RBFOX3: variants seen among roughly 807,000 people sequenced by gnomAD.
RBFOX3 encodes RNA binding fox-1 homolog 3.
RBFOX3 carries 17 observed loss-of-function variants against 48.7 expected under a neutral mutation model. The ratio of observed to expected loss-of-function variants is 0.35; its 90% CI spans 0.24 to 0.52. The LOEUF is 0.52. Among genes scored for constraint, RBFOX3 ranks in the 20% least tolerant of loss-of-function variants. RBFOX3 has a pLI of 0.94. For missense variants in RBFOX3, 382 were observed against 497.5 expected (o/e 0.77, Z 2.21); for synonymous variants, 212 against 209.5 (o/e 1.01, Z -0.10).
intron 2 of RBFOX3, among the ~76,000 whole-genome samples, chr17:79,326,071 G>T (rs2079266762): frequency 6.6e-6 from 1 of 152,214 alleles, no homozygotes; most frequent in African/African-American, 2.4e-5. Context: ...GAAAGGCGCA[G>T]GTTAAGAACT....
chr17:79,620,035 A>G, the RBFOX3 span, among the ~76,000 whole-genome samples: 1 of 151,254 alleles, frequency 6.6e-6, no homozygotes, highest in Non-Finnish European at 1.5e-5. Context: ...GCACACATGC[A>G]TATGCACACA....
At chr17:79,230,183 C>T (rs961887660) in intron 4 of RBFOX3, among the ~76,000 whole-genome samples, 34 of 152,316 alleles carry the variant, frequency 2.2e-4, no homozygotes, top group Admixed American at 1.0e-3. Context: ...CCCTTCTCCC[C>T]AGTTTTCTCA....
chr17:79,589,369 C>A (rs2093352871), intron 1 of RBFOX3, among the ~76,000 whole-genome samples: 1 of 152,150 alleles, frequency 6.6e-6, no homozygotes, highest in Non-Finnish European at 1.5e-5. Context: ...CAAGTGCTGT[C>A]TTCTCCCTGT....
chr17:79,419,509 G>A (rs868967990), intron 2 of RBFOX3, among the ~76,000 whole-genome samples: 3 of 152,184 alleles, frequency 2.0e-5, no homozygotes, highest in Non-Finnish European at 2.9e-5. Context: ...GTACACACAC[G>A]TGTGCACAAA....
chr17:79,332,748 CAGAG>C (rs1329931799), intron 2 of RBFOX3, among the ~76,000 whole-genome samples: 1 of 119,960 alleles, frequency 8.3e-6, no homozygotes, highest in Non-Finnish European at 1.8e-5. Flanking sequence ...AGCAGAGACA[CAGAG>C]AGAGACAGAG....
intron 2 of RBFOX3, among the ~76,000 whole-genome samples, chr17:79,419,676 C>T (rs782456731): frequency 6.6e-6 from 1 of 152,220 alleles, no homozygotes; most frequent in African/African-American, 2.4e-5. Context: ...CAGTCCCCCT[C>T]ACAATGTGGT....
At chr17:79,642,063 T>A in the RBFOX3 span, among the ~76,000 whole-genome samples, 1 of 152,098 alleles carries the variant, frequency 6.6e-6, no homozygotes, top group Admixed American at 6.6e-5. Flanking sequence ...TATGGCAAAG[T>A]AAGAATGGAC....
chr17:79,105,118 G>A (rs575796260), intron 6 of RBFOX3, among the ~76,000 whole-genome samples: 17 of 152,224 alleles, frequency 1.1e-4, no homozygotes, highest in Non-Finnish European at 2.2e-4. Flanking sequence ...GGCAACTGAT[G>A]GGGGTTTCCC....
intron 1 of RBFOX3, among the ~76,000 whole-genome samples, chr17:79,610,007 G>T (rs1429893003): frequency 2.0e-5 from 3 of 152,006 alleles, no homozygotes; most frequent in African/African-American, 7.2e-5. Context: ...CCTGGGGGTG[G>T]CCGAGGCTTC....
At chr17:79,133,452 A>C (rs1351487124) in intron 4 of RBFOX3, among the ~76,000 whole-genome samples, 2 of 152,000 alleles carry the variant, frequency 1.3e-5, no homozygotes, top group African/African-American at 2.4e-5. Flanking sequence ...ATGGTGAAAA[A>C]CACCACCCCA....
chr17:79,206,894 G>C (rs187195812), intron 4 of RBFOX3, among the ~76,000 whole-genome samples: 8 of 152,294 alleles, frequency 5.3e-5, no homozygotes, highest in Admixed American at 5.2e-4. Flanking sequence ...TGACTCAATA[G>C]TACACCTGGA....
chr17:79,652,406 A>G, the RBFOX3 span, among the ~76,000 whole-genome samples: 25 of 151,442 alleles, frequency 1.7e-4, no homozygotes, highest in East Asian at 1.7e-3. Context: ...TGATTGTACC[A>G]GTGCACTCCA....
chr17:79,097,757 G>A lies in RBFOX3; in HGVS notation c.569-12C>T. On this transcript the variant is annotated splice_polypyrimidine_tract_variant and intron_variant, in intron 9 of 14. Transcript: ENST00000693108. ...ATTTAGCTTCCAGCCTAAAACAAAGGCACAGAGACCTAGTCACTGCCTTCC... is the reference window on the plus strand; with the variant it reads ...ATTTAGCTTCCAGCCTAAAACAAAGACACAGAGACCTAGTCACTGCCTTCC... The A allele has an allele frequency of 1.3e-6, 2 of 1,551,278 alleles. No homozygotes were observed. The highest frequency in any genetic ancestry group is 1.7e-6 in the Non-Finnish European group (2 of 1,146,842).
At chr17:79,568,467 A>G (rs2092548165) in intron 1 of RBFOX3, among the ~76,000 whole-genome samples, 1 of 151,202 alleles carries the variant, frequency 6.6e-6, no homozygotes, top group Non-Finnish European at 1.5e-5. Context: ...TTCCAAAATA[A>G]AAAAAAAATC....
intron 3 of RBFOX3, among the ~76,000 whole-genome samples, chr17:79,259,035 C>T (rs545551061): frequency 8.8e-4 from 134 of 152,388 alleles, no homozygotes; most frequent in African/African-American, 3.1e-3. Context: ...CTTGCAATCC[C>T]AGCTCTAAGT....
chr17:79,140,596 C>G (rs1795952), intron 4 of RBFOX3, among the ~76,000 whole-genome samples: 128,371 of 152,278 alleles, frequency 0.84, 55,471 homozygotes, highest in Non-Finnish European at 0.94. Context: ...AGAAGGACAA[C>G]CTACAGTCCC....
intron 1 of RBFOX3, among the ~76,000 whole-genome samples, chr17:79,531,487 C>T (rs2087767280): frequency 6.6e-6 from 1 of 152,188 alleles, no homozygotes; most frequent in Non-Finnish European, 1.5e-5. Flanking sequence ...TGGCTGGCTG[C>T]TTTTGGTATT....
intron 1 of RBFOX3, among the ~76,000 whole-genome samples, chr17:79,519,098 T>C (rs1385721634): frequency 6.6e-6 from 1 of 152,074 alleles, no homozygotes; most frequent in Non-Finnish European, 1.5e-5. Context: ...AAACAGATGC[T>C]CCGGAGGTAA....
intron 4 of RBFOX3, among the ~76,000 whole-genome samples, chr17:79,145,145 G>A (rs1032233511): frequency 7.2e-5 from 11 of 152,168 alleles, no homozygotes; most frequent in Admixed American, 6.5e-4. Flanking sequence ...AACAGCTCAG[G>A]AAGCCCAGAG....
Sources: allele counts gnomAD v4.1 joint callset (sites outside exome capture counted in the v4.1 genomes callset), GRCh38; gene constraint gnomAD v4.1.1; transcripts MANE v1.5; gene names NCBI Gene and HGNC (gene_info 2026-07-23, HGNC 2026-07-21).